RAB15: variants seen among roughly 807,000 people sequenced by gnomAD.
The protein encoded by RAB15 is RAB15, member RAS oncogene family.
A neutral mutation model predicts 31.8 loss-of-function variants in RAB15; 13 were observed. The ratio of observed to expected loss-of-function variants is 0.41; its 90% CI spans 0.27 to 0.65. RAB15 has a LOEUF of 0.65. Ranked by LOEUF, RAB15 falls within the 30% of genes least tolerant of loss-of-function variation. The pLI, the probability that RAB15 is intolerant of heterozygous loss-of-function variation, is 0.32. For missense variants in RAB15, 220 were observed against 277.3 expected (o/e 0.79, Z 1.47); for synonymous variants, 100 against 105.6 (o/e 0.95, Z 0.33).
chr14:64,966,989 A>C (rs1409241726), intron 1 of RAB15, among the ~76,000 whole-genome samples: 2 of 152,166 alleles, frequency 1.3e-5, no homozygotes, highest in East Asian at 3.9e-4. Context: ...AGTGTCTGTT[A>C]GGTCACCCCA....
Position 64,950,837 on chromosome 14 carries a change from G to T in RAB15, c.324+237C>A. ...CAGGAAAGAAGCTGCTCACAGGGAA[G>T]ACTTGGAACTAATTCATTTCCGGGA... On this transcript the variant is annotated intron_variant, in intron 4 of 6. Coordinates refer to ENST00000533601, the MANE Select transcript of RAB15 (RefSeq NM_001308154.2). This position sits in a 1 kb window ranked among gnomAD's most constrained non-coding sequence, Gnocchi z 5.6. The T allele has an allele frequency of 1.3e-6, 1 of 792,026 alleles. No individual in the cohort carries two copies. The highest frequency in any genetic ancestry group is 2.1e-6 in the Non-Finnish European group (1 of 478,972). 49.1% of individuals were successfully genotyped at this position (792,026 alleles called of 1,614,324 possible). A position where few individuals can be genotyped will look rare whatever the true frequency, so the allele number is the denominator to read the frequency against.
chr14:64,956,950 T>G lies in RAB15; in HGVS notation c.125-4379A>C, dbSNP rs535451056. Among the ~76,000 whole-genome samples, 443 of 146,976 alleles carry G rather than the reference T, an allele frequency of 3.0e-3. 6 individuals carry two copies. The highest frequency in any genetic ancestry group is 0.011 in the Middle Eastern group (3 of 278). ...CCTAGCTTCAATTTTTTTTTTTTTT[T>G]GGGATGGAGTCTCACTCTGTTGCCA... On this transcript the variant is annotated intron_variant, in intron 1 of 6. Transcript: ENST00000533601.
Position 64,952,926 on chromosome 14 carries a change from C to A in RAB15, c.125-355G>T, listed in dbSNP as rs933390597. On this transcript the variant is annotated intron_variant, in intron 1 of 6. Transcript: ENST00000533601. This position sits in a 1 kb window ranked among gnomAD's most constrained non-coding sequence, Gnocchi z 4.2. ...TTCCTATTTATACTTCTGGAGAGAACGCTGTGTTTATCCTTCCTGAAATTC... is the reference window on the plus strand; with the variant it reads ...TTCCTATTTATACTTCTGGAGAGAAAGCTGTGTTTATCCTTCCTGAAATTC... Among the ~76,000 whole-genome samples the A allele has an allele frequency of 6.6e-6, 1 of 152,210 alleles. No individual in the cohort carries two copies. Among genetic ancestry groups the A allele is most frequent in the Non-Finnish European group, 1.5e-5 (1 of 68,036 alleles).
At chr14:64,963,381 G>A (rs1423200176) in intron 1 of RAB15, among the ~76,000 whole-genome samples, 1 of 151,948 alleles carries the variant, frequency 6.6e-6, no homozygotes. Context: ...GACCTCCCTA[G>A]AGCCTTGGTG....
At position 64,955,357 on chromosome 14, in the gene RAB15, C is replaced by G. The variant is rs1886490634; in HGVS notation, c.125-2786G>C. 6.6e-6 allele frequency among the ~76,000 whole-genome samples: 1 copy of G among 152,190 alleles called. No homozygotes were observed. The highest frequency in any genetic ancestry group is 1.5e-5 in the Non-Finnish European group (1 of 68,030). On this transcript the variant is annotated intron_variant, in intron 1 of 6. Coordinates refer to ENST00000533601, the MANE Select transcript of RAB15 (RefSeq NM_001308154.2). The surrounding 1 kb of genome is among the most constrained non-coding windows in gnomAD (Gnocchi z 4.4). ...AACCTGGGCCTTCAGCTGTGTCCACCTACCAGTCAAGCCCTGGCCCCAGTA... is the reference window on the plus strand; with the variant it reads ...AACCTGGGCCTTCAGCTGTGTCCACGTACCAGTCAAGCCCTGGCCCCAGTA...
rs778413203 is a variant in RAB15 at position 64,952,607 on chromosome 14, G to A, written c.125-36C>T. ...GAAGAAAGAAAGAAAGTTAGAAAGC[G>A]TACCCACGAGAAATGAACAGGAAAG... is the stretch of plus-strand genomic sequence containing the variant. On this transcript the variant is annotated intron_variant, in intron 1 of 6. Coordinates refer to ENST00000533601, the MANE Select transcript of RAB15 (RefSeq NM_001308154.2). This position sits in a 1 kb window ranked among gnomAD's most constrained non-coding sequence, Gnocchi z 4.2. The A allele has an allele frequency of 1.4e-5, 21 of 1,482,348 alleles. No homozygotes were observed. The East Asian group carries it at 2.3e-4, about 16-fold the overall frequency. 91.8% of individuals were successfully genotyped at this position (1,482,348 alleles called of 1,614,324 possible). A position where few individuals can be genotyped will look rare whatever the true frequency, so the allele number is the denominator to read the frequency against.
rs1886433749 is a variant in RAB15 at position 64,954,535 on chromosome 14, T to C, written c.125-1964A>G. 1 of 985,394 alleles carries C rather than the reference T, an allele frequency of 1.0e-6. No individual in the cohort carries two copies. Among genetic ancestry groups the C allele is most frequent in the Non-Finnish European group, 1.2e-6 (1 of 829,880 alleles). The allele number at this position is 985,394 out of a possible 1,614,324, so 61.0% of individuals were successfully genotyped here. On this transcript the variant is annotated intron_variant, in intron 1 of 6. Coordinates refer to ENST00000533601, the MANE Select transcript of RAB15 (RefSeq NM_001308154.2). The surrounding 1 kb of genome is among the most constrained non-coding windows in gnomAD (Gnocchi z 4.3). Reference sequence around the variant, plus strand: ...GGGACAGGAAGAGAGAAGGTTTTATTTCCTTTATCCCACAAACATTTATGG... The same window carrying C: ...GGGACAGGAAGAGAGAAGGTTTTATCTCCTTTATCCCACAAACATTTATGG...
chr14:64,959,498 G>A (rs2412107), intron 1 of RAB15, among the ~76,000 whole-genome samples: 2 of 151,968 alleles, frequency 1.3e-5, no homozygotes, highest in Non-Finnish European at 2.9e-5. Flanking sequence ...TTGTTTGCTC[G>A]TTTTTAAAAT....
chr14:64,959,813 C>T (rs969153069), intron 1 of RAB15, among the ~76,000 whole-genome samples: 3 of 140,578 alleles, frequency 2.1e-5, no homozygotes, highest in African/African-American at 8.2e-5. Flanking sequence ...GTTGAGGCTG[C>T]ACTCCAGCCT....
In RAB15 at chr14:64,958,604, G is replaced by T. The variant is rs1886699005; in HGVS notation, c.125-6033C>A. Among the ~76,000 whole-genome samples, 1 of 152,178 alleles carries T rather than the reference G, an allele frequency of 6.6e-6. No homozygotes were observed. ...CTCCTTCCTCCTTGGCATGGTTCAT[G>T]ATTCCAGTAAGTCCAGATTCATCAC... On this transcript the variant is annotated intron_variant, in intron 1 of 6. Transcript: ENST00000533601. The surrounding 1 kb of genome is among the most constrained non-coding windows in gnomAD (Gnocchi z 4.4).
chr14:64,952,858 C>T lies in RAB15; in HGVS notation c.125-287G>A, dbSNP rs1224584486. The stretch of plus-strand genomic sequence containing the variant: ...AAATCTACTTCATCACTGCCTTACT[C>T]GACAGACTTAAAACATGTCTCGTTC... On this transcript the variant is annotated intron_variant, in intron 1 of 6. Coordinates refer to ENST00000533601, the MANE Select transcript of RAB15 (RefSeq NM_001308154.2). This position sits in a 1 kb window ranked among gnomAD's most constrained non-coding sequence, Gnocchi z 4.2. 6.6e-6 allele frequency among the ~76,000 whole-genome samples: 1 copy of T among 152,228 alleles called. No homozygotes were observed. The highest frequency in any genetic ancestry group is 1.5e-5 in the Non-Finnish European group (1 of 68,044).
chr14:64,961,857 A>G (rs1325290411), intron 1 of RAB15, among the ~76,000 whole-genome samples: 3 of 151,434 alleles, frequency 2.0e-5, no homozygotes, highest in South Asian at 2.1e-4. Flanking sequence ...TGAGGCTGCA[A>G]TGAGCTGAGA....
rs776670717 is a variant in RAB15 at position 64,952,212 on chromosome 14, A to G, written c.185+299T>C. ...TAGCCTCCTTCCTTCCAATCTTAAC[A>G]TAGTGTGGCACAGCCCAAGGGCAAA... On this transcript the variant is annotated intron_variant, in intron 2 of 6. Transcript: ENST00000533601. This position sits in a 1 kb window ranked among gnomAD's most constrained non-coding sequence, Gnocchi z 4.2. 4.6e-5 allele frequency among the ~76,000 whole-genome samples: 7 copies of G among 152,142 alleles called. No individual in the cohort carries two copies. The highest frequency in any genetic ancestry group is 1.0e-4 in the Non-Finnish European group (7 of 68,020).
chr14:64,968,957 T>C lies in RAB15; in HGVS notation c.124+2996A>G, dbSNP rs1887283883. Among the ~76,000 whole-genome samples the C allele has an allele frequency of 1.3e-5, 2 of 152,148 alleles. No individual in the cohort carries two copies. The highest frequency in any genetic ancestry group is 4.8e-5 in the African/African-American group (2 of 41,428). ...CTCTCACTGCTCCCTGGCGGGTTCT[T>C]CTCTAGAAGATCGCAGGCCGTTAAA... is the stretch of plus-strand genomic sequence containing the variant. On this transcript the variant is annotated intron_variant, in intron 1 of 6. Transcript: ENST00000533601. The surrounding 1 kb of genome is among the most constrained non-coding windows in gnomAD (Gnocchi z 4.9).
chr14:64,961,000 C>T (rs1373854971), intron 1 of RAB15, among the ~76,000 whole-genome samples: 1 of 152,180 alleles, frequency 6.6e-6, no homozygotes, highest in East Asian at 1.9e-4. Flanking sequence ...CAGCCAAGCT[C>T]CGCATGCTTC....
chr14:64,965,605 C>T (rs75125012), intron 1 of RAB15, among the ~76,000 whole-genome samples: 3 of 152,142 alleles, frequency 2.0e-5, no homozygotes, highest in Non-Finnish European at 4.4e-5. Context: ...GAGGCCTATA[C>T]AGAAAACTGG....
At position 64,955,197 on chromosome 14, in the gene RAB15, CAG is replaced by C. The variant is rs1886478075; in HGVS notation, c.125-2628_125-2627del. Among the ~76,000 whole-genome samples, 1 of 152,168 alleles carries C rather than the reference CAG, an allele frequency of 6.6e-6. No individual in the cohort carries two copies. Among genetic ancestry groups the C allele is most frequent in the African/African-American group, 2.4e-5 (1 of 41,438 alleles). On this transcript the variant is annotated intron_variant, in intron 1 of 6. Transcript: ENST00000533601. The surrounding 1 kb of genome is among the most constrained non-coding windows in gnomAD (Gnocchi z 4.4). ...ATGCATTCACATATGATGGAAGAAA[CAG>C]AGTAAGTCTATGTCTTCTGAAGGAT...
rs868152052 is a variant in RAB15 at position 64,967,701 on chromosome 14, G to A, written c.124+4252C>T. On this transcript the variant is annotated intron_variant, in intron 1 of 6. Transcript: ENST00000533601. The stretch of plus-strand genomic sequence containing the variant: ...GCCACCATGCAGAAAGGTCCTCAAA[G>A]GTCCCCTGAACATAGATGTCCATGT... Among the ~76,000 whole-genome samples, 8 of 152,214 alleles carry A rather than the reference G, an allele frequency of 5.3e-5. No homozygotes were observed. The Middle Eastern group carries it at 0.014, about 261-fold the overall frequency.
Position 64,951,234 on chromosome 14 carries a change from G to C in RAB15, c.247-83C>G. On this transcript the variant is annotated intron_variant, in intron 3 of 6. Coordinates refer to ENST00000533601, the MANE Select transcript of RAB15 (RefSeq NM_001308154.2). This position sits in a 1 kb window ranked among gnomAD's most constrained non-coding sequence, Gnocchi z 7.2. ...CCAGAAGGGGCCGTGGAAACTTAAA[G>C]GTTGGGTCCCACTCTCCCATTCTCC... 8.4e-7 allele frequency: 1 copy of C among 1,184,146 alleles called. No individual in the cohort carries two copies. Among genetic ancestry groups the C allele is most frequent in the South Asian group, 1.3e-5 (1 of 74,878 alleles). 73.4% of individuals were successfully genotyped at this position (1,184,146 alleles called of 1,614,324 possible).
Sources: allele counts gnomAD v4.1 joint callset (sites outside exome capture counted in the v4.1 genomes callset), GRCh38; gene constraint gnomAD v4.1.1; non-coding constraint Gnocchi (gnomAD v3.1); transcripts MANE v1.5; gene names NCBI Gene and HGNC (gene_info 2026-07-23, HGNC 2026-07-21).